The following PDE1C variants were observed in gnomAD, a reference collection of about 807,000 sequenced individuals.
PDE1C encodes dual specificity calcium/calmodulin-dependent 3',5'-cyclic nucleotide phosphodiesterase 1C.
A neutral mutation model predicts 93.1 loss-of-function variants in PDE1C; 62 were observed. That is an observed-to-expected ratio of 0.67 (90% CI 0.54 to 0.82). PDE1C has a LOEUF of 0.82. Among genes scored for constraint, PDE1C ranks in the 40% least tolerant of loss-of-function variants. The probability of loss-of-function intolerance (pLI) is 0.00; values close to 1 mark genes in which losing one functional copy is unlikely to be tolerated. For synonymous variants in PDE1C, 325 were observed against 310.1 expected (o/e 1.05, Z -0.50); for missense variants, 742 against 884.6 (o/e 0.84, Z 2.04).
At chr7:31,675,425 G>A in the PDE1C span, among the ~76,000 whole-genome samples, 2 of 152,130 alleles carry the variant, frequency 1.3e-5, no homozygotes, top group Non-Finnish European at 2.9e-5. Flanking sequence ...CCAAGCATTA[G>A]TGTTGGTGGT....
chr7:32,028,957 T>A (rs1261940473), intron 2 of PDE1C, among the ~76,000 whole-genome samples: 4 of 152,058 alleles, frequency 2.6e-5, no homozygotes, highest in Admixed American at 2.6e-4. Flanking sequence ...GGAGACAATC[T>A]ACAGACTTGG....
chr7:32,228,423 G>A (rs149708429), intron 1 of PDE1C, among the ~76,000 whole-genome samples: 1 of 152,174 alleles, frequency 6.6e-6, no homozygotes, highest in Admixed American at 6.5e-5. Context: ...GCTCTTTAGA[G>A]GTGGGAATAA....
intron 3 of PDE1C, among the ~76,000 whole-genome samples, chr7:32,151,470 A>G (rs1407327469): frequency 6.6e-6 from 1 of 152,238 alleles, no homozygotes; most frequent in African/African-American, 2.4e-5. Context: ...GAATATTTAT[A>G]TTACAGAAAC....
chr7:32,148,285 A>G (rs1286713028), intron 3 of PDE1C, among the ~76,000 whole-genome samples: 1 of 152,192 alleles, frequency 6.6e-6, no homozygotes, highest in Non-Finnish European at 1.5e-5. Context: ...AAATCAGTGA[A>G]TTCATTTAAC....
At chr7:31,756,299 G>A (rs944957037) in intron 17 of PDE1C, among the ~76,000 whole-genome samples, 17 of 152,144 alleles carry the variant, frequency 1.1e-4, no homozygotes, top group Non-Finnish European at 2.5e-4. Flanking sequence ...GATGAAAATA[G>A]AACTTTACTT....
the PDE1C span, among the ~76,000 whole-genome samples, chr7:31,629,920 A>G: frequency 6.6e-6 from 1 of 152,214 alleles, no homozygotes; most frequent in Non-Finnish European, 1.5e-5. Context: ...GGCAAAGTCT[A>G]AAGAATTGTA....
chr7:32,357,755 T>C (rs983384349), intron 1 of PDE1C, among the ~76,000 whole-genome samples: 6 of 152,312 alleles, frequency 3.9e-5, no homozygotes, highest in Non-Finnish European at 8.8e-5. Context: ...GCCTTCACTG[T>C]GGTAACACGT....
intron 7 of PDE1C, among the ~76,000 whole-genome samples, chr7:31,854,280 A>G (rs1197013461): frequency 6.6e-6 from 1 of 152,136 alleles, no homozygotes; most frequent in Non-Finnish European, 1.5e-5. Context: ...TTTGGAGGAA[A>G]TTGAACTTCC....
chr7:32,242,721 C>T (rs1011971542), intron 1 of PDE1C, among the ~76,000 whole-genome samples: 1 of 152,038 alleles, frequency 6.6e-6, no homozygotes, highest in African/African-American at 2.4e-5. Context: ...CCCAAAGCAG[C>T]CATGAGAAGG....
chr7:31,651,751 A>G, the PDE1C span, among the ~76,000 whole-genome samples: 1 of 148,134 alleles, frequency 6.8e-6, no homozygotes, highest in Non-Finnish European at 1.5e-5. Flanking sequence ...GAACTATATT[A>G]TACTGCAATA....
chr7:32,251,078 C>CGCGT (rs1809336927), intron 1 of PDE1C, among the ~76,000 whole-genome samples: 1 of 152,224 alleles, frequency 6.6e-6, no homozygotes, highest in South Asian at 2.1e-4. Context: ...AGCACAAGCG[C>CGCGT]GCGTGCGCAC....
chr7:32,277,641 A>G (rs973056766), intron 1 of PDE1C, among the ~76,000 whole-genome samples: 13 of 152,340 alleles, frequency 8.5e-5, no homozygotes, highest in Middle Eastern at 3.4e-3. Context: ...TTCGATGAAT[A>G]AAACAGAGGT....
At chr7:32,291,811 T>G (rs1404885720) in intron 1 of PDE1C, among the ~76,000 whole-genome samples, 3 of 152,170 alleles carry the variant, frequency 2.0e-5, no homozygotes, top group Non-Finnish European at 2.9e-5. Flanking sequence ...GAAGCTCACC[T>G]CTTCCGGGAG....
At chr7:32,125,132 G>A (rs983008177) in intron 3 of PDE1C, among the ~76,000 whole-genome samples, 2 of 152,086 alleles carry the variant, frequency 1.3e-5, no homozygotes, top group Non-Finnish European at 2.9e-5. Context: ...CTACATTACT[G>A]ATCATTAGAG....
chr7:31,777,291 C>A (rs1783062775), intron 16 of PDE1C, among the ~76,000 whole-genome samples: 1 of 152,008 alleles, frequency 6.6e-6, no homozygotes, highest in Non-Finnish European at 1.5e-5. Context: ...AGAGTGGAGA[C>A]ATGCACTTTG....
At position 31,837,319 on chromosome 7, in the gene PDE1C, C is replaced by A; in HGVS notation, c.1083-19G>T. The A allele has an allele frequency of 1.3e-6, 2 of 1,595,202 alleles. No homozygotes were observed. Among genetic ancestry groups the A allele is most frequent in the Non-Finnish European group, 8.6e-7 (1 of 1,169,316 alleles). On this transcript the variant is annotated intron_variant, in intron 10 of 17. Coordinates refer to ENST00000396191, the MANE Select transcript of PDE1C (RefSeq NM_001191057.4). ...TTCAATGCTGTAAACCAAAAGCACCCAAACACATGATAACCACACTCTTCA... is the reference window on the plus strand; with the variant it reads ...TTCAATGCTGTAAACCAAAAGCACCAAAACACATGATAACCACACTCTTCA...
chr7:32,294,879 T>C (rs972508028), intron 1 of PDE1C, among the ~76,000 whole-genome samples: 1 of 152,200 alleles, frequency 6.6e-6, no homozygotes, highest in African/African-American at 2.4e-5. Flanking sequence ...GCCGCAATCA[T>C]AATAAGTTCA....
the PDE1C span, among the ~76,000 whole-genome samples, chr7:31,629,673 T>C: frequency 1.3e-5 from 2 of 152,180 alleles, no homozygotes; most frequent in South Asian, 4.1e-4. Context: ...CTCACTCACC[T>C]CTCAAAAAGC....
At position 31,776,690 on chromosome 7, in the gene PDE1C, T is replaced by C. The variant is rs556222026; in HGVS notation, c.1892-958A>G. On this transcript the variant is annotated intron_variant, in intron 16 of 17. Coordinates refer to ENST00000396191, the MANE Select transcript of PDE1C (RefSeq NM_001191057.4). ...TTATATATAAACATAAATATTTATT[T>C]ATTCATTCATTCATTTATTTTGTCA... Among the ~76,000 whole-genome samples the C allele has an allele frequency of 2.7e-4, 41 of 152,276 alleles. No individual in the cohort carries two copies. The South Asian group carries it at 8.5e-3, about 32-fold the overall frequency.
Sources: gnomAD v4.1 joint callset for allele counts (sites outside exome capture counted in the v4.1 genomes callset) on GRCh38, gnomAD v4.1.1 for gene constraint, MANE v1.5 for transcripts, NCBI Gene and HGNC (gene_info 2026-07-23, HGNC 2026-07-21) for gene names.